DMD: variants seen among roughly 807,000 people sequenced by gnomAD.
The protein encoded by DMD is mutant dystrophin.
Under a neutral mutation model 330.1 loss-of-function variants are expected in DMD, and 63 were observed. The ratio of observed to expected loss-of-function variants is 0.19; its 90% CI spans 0.16 to 0.24. DMD has a LOEUF of 0.24. Among genes scored for constraint, DMD ranks in the 10% least tolerant of loss-of-function variants. DMD has a pLI of 1.00. For synonymous variants in DMD, 1,223 were observed against 959.8 expected, an observed-to-expected ratio of 1.27 and a Z score of -5.07; for missense variants, 3,344 against 2,684.1, an observed-to-expected ratio of 1.25 and a Z score of -5.43.
At chrX:31,278,428 A>G (rs1030417511) in intron 62 of DMD, among the ~76,000 whole-genome samples, 2 of 111,199 alleles carry the variant, frequency 1.8e-5, no homozygotes, top group Non-Finnish European at 3.8e-5. Flanking sequence ...TCAAGTCTGA[A>G]GTTCTAACCA....
intron 29 of DMD, among the ~76,000 whole-genome samples, chrX:32,421,193 C>T (rs1425213146): frequency 8.9e-6 from 1 of 112,360 alleles, no homozygotes; most frequent in Non-Finnish European, 1.9e-5. Context: ...GCACAGTATG[C>T]TTATGGCTTC....
At chrX:33,072,526 G>A (rs1211511467) in intron 1 of DMD, among the ~76,000 whole-genome samples, 1 of 112,129 alleles carries the variant, frequency 8.9e-6, no homozygotes, top group Non-Finnish European at 1.9e-5. Context: ...AGTAATTCCT[G>A]AGAAATTTGG....
intron 50 of DMD, among the ~76,000 whole-genome samples, chrX:31,782,433 C>T (rs2091061648): frequency 9.0e-6 from 1 of 111,042 alleles, no homozygotes; most frequent in Admixed American, 9.7e-5. Context: ...CTGTCACCCA[C>T]ACCGTCTCAA....
At chrX:31,293,487 T>C (rs2053932443) in intron 62 of DMD, among the ~76,000 whole-genome samples, 1 of 111,241 alleles carries the variant, frequency 9.0e-6, no homozygotes, top group African/African-American at 3.3e-5. Context: ...TTTTTTGTTG[T>C]TGCTGTTTAG....
intron 43 of DMD, among the ~76,000 whole-genome samples, chrX:32,254,278 G>C (rs918407171): frequency 3.6e-5 from 4 of 111,586 alleles, no homozygotes; most frequent in Non-Finnish European, 7.5e-5. Context: ...CTGGCCTCAA[G>C]TGATCTGCCC....
At chrX:32,950,426 C>A (rs1198629368) in intron 2 of DMD, among the ~76,000 whole-genome samples, 1 of 111,141 alleles carries the variant, frequency 9.0e-6, no homozygotes, top group Non-Finnish European at 1.9e-5. Flanking sequence ...CACTGCACCA[C>A]CCTGTATGCT....
intron 60 of DMD, among the ~76,000 whole-genome samples, chrX:31,361,215 G>C (rs1813011873): frequency 9.1e-6 from 1 of 109,308 alleles, no homozygotes; most frequent in African/African-American, 3.5e-5. Context: ...GTAAATACTT[G>C]AGCTGGTTTG....
chrX:32,912,731 C>G (rs757883334), intron 2 of DMD, among the ~76,000 whole-genome samples: 87 of 111,292 alleles, frequency 7.8e-4, no homozygotes, highest in Non-Finnish European at 1.3e-3. Flanking sequence ...TTTAGTAATA[C>G]ATATATATGT....
chrX:32,611,214 A>T lies in DMD; in HGVS notation c.1482+3089T>A, dbSNP rs768873864. Among the ~76,000 whole-genome samples, 11 of 110,275 alleles carry T rather than the reference A, an allele frequency of 1.0e-4. No homozygotes were observed. In the East Asian group the frequency reaches 3.1e-3, roughly 32 times the overall value. Reference sequence around the variant, plus strand: ...TTCCCTTAATTTTTATAAAAAAAAAATCTGTCAAATATTTCAAAAAATATT... The same window carrying T: ...TTCCCTTAATTTTTATAAAAAAAAATTCTGTCAAATATTTCAAAAAATATT... On this transcript the variant is annotated intron_variant, in intron 12 of 78. Coordinates refer to ENST00000357033, the MANE Select transcript of DMD (RefSeq NM_004006.3).
chrX:31,694,576 G>C (rs1255573036), intron 52 of DMD, among the ~76,000 whole-genome samples: 2 of 88,354 alleles, frequency 2.3e-5, no homozygotes, highest in Non-Finnish European at 4.4e-5. Flanking sequence ...TAAAAAAATG[G>C]GCAAATATAT....
intron 61 of DMD, among the ~76,000 whole-genome samples, chrX:31,334,015 C>T (rs1029034251): frequency 1.8e-5 from 2 of 111,331 alleles, no homozygotes. Context: ...TCACTGCAAC[C>T]TCCGCCTCCT....
chrX:32,822,069 A>G (rs1318459653), intron 5 of DMD, among the ~76,000 whole-genome samples: 1 of 111,534 alleles, frequency 9.0e-6, no homozygotes, highest in Non-Finnish European at 1.9e-5. Context: ...GCTGATTTAT[A>G]AAAAAGTAAT....
At chrX:31,208,098 A>C (rs779460244) in intron 65 of DMD, among the ~76,000 whole-genome samples, 1 of 112,048 alleles carries the variant, frequency 8.9e-6, no homozygotes, top group African/African-American at 3.2e-5. Context: ...AAAAAGGAGA[A>C]AATATTTCAG....
chrX:31,845,248 G>A (rs1179240863), intron 48 of DMD, among the ~76,000 whole-genome samples: 1 of 110,854 alleles, frequency 9.0e-6, no homozygotes, highest in Non-Finnish European at 1.9e-5. Context: ...TCAGGCAGAG[G>A]GAAAAGCAAG....
At chrX:32,368,748 A>G (rs1348702176) in intron 34 of DMD, among the ~76,000 whole-genome samples, 2 of 111,510 alleles carry the variant, frequency 1.8e-5, no homozygotes, top group Admixed American at 1.9e-4. Context: ...TCCTTTTCAA[A>G]AGCATCCGAT....
chrX:32,788,297 C>T (rs749121384), intron 7 of DMD, among the ~76,000 whole-genome samples: 1 of 111,555 alleles, frequency 9.0e-6, no homozygotes, highest in South Asian at 3.8e-4. Flanking sequence ...AGTCTTTTGT[C>T]CTATGTGACA....
intron 39 of DMD, among the ~76,000 whole-genome samples, chrX:32,343,661 T>C (rs923104311): frequency 1.8e-5 from 2 of 111,576 alleles, no homozygotes; most frequent in African/African-American, 6.5e-5. Flanking sequence ...TGAGTTTGTA[T>C]CTGACTTAAA....
chrX:31,658,501 G>A (rs1398701799), intron 53 of DMD, among the ~76,000 whole-genome samples: 1 of 111,368 alleles, frequency 9.0e-6, no homozygotes. Flanking sequence ...ACATTTGAAC[G>A]AAAAAAACCT....
intron 55 of DMD, among the ~76,000 whole-genome samples, chrX:31,558,494 T>C (rs2074988498): frequency 9.0e-6 from 1 of 111,440 alleles, no homozygotes; most frequent in African/African-American, 3.3e-5. Flanking sequence ...ATGTTGAGGC[T>C]TCAATCACAC....
Sources: allele counts gnomAD v4.1 joint callset (sites outside exome capture counted in the v4.1 genomes callset), GRCh38; gene constraint gnomAD v4.1.1; transcripts MANE v1.5; gene names NCBI Gene and HGNC (gene_info 2026-07-23, HGNC 2026-07-21).